ROBO2: variants seen among roughly 807,000 people sequenced by gnomAD.
The protein encoded by ROBO2 is roundabout guidance receptor 2, also known as roundabout homolog 2.
A neutral mutation model predicts 160.8 loss-of-function variants in ROBO2; 53 were observed. That is an observed-to-expected ratio of 0.33 (90% CI 0.26 to 0.41). ROBO2 has a LOEUF of 0.41. Ranked by LOEUF, ROBO2 falls within the 10% of genes least tolerant of loss-of-function variation. The pLI, the probability that ROBO2 is intolerant of heterozygous loss-of-function variation, is 1.00. For missense variants in ROBO2, 1,577 were observed against 1,722.4 expected, an observed-to-expected ratio of 0.92 and a Z score of 1.49; for synonymous variants, 664 against 611.7, an observed-to-expected ratio of 1.09 and a Z score of -1.26.
chr3:77,120,763 A>G (rs1164489457), intron 2 of ROBO2, among the ~76,000 whole-genome samples: 1 of 152,176 alleles, frequency 6.6e-6, no homozygotes, highest in Non-Finnish European at 1.5e-5. Context: ...AAAGATAAGA[A>G]AAAGCAACTG....
At chr3:76,188,204 T>G (rs1165728213) in intron 2 of ROBO2, among the ~76,000 whole-genome samples, 1 of 152,028 alleles carries the variant, frequency 6.6e-6, no homozygotes, top group Admixed American at 6.6e-5. Flanking sequence ...CTACAGTACC[T>G]TTGAATGTGA....
chr3:76,602,529 G>A (rs1166279797), intron 2 of ROBO2, among the ~76,000 whole-genome samples: 1 of 152,234 alleles, frequency 6.6e-6, no homozygotes, highest in Non-Finnish European at 1.5e-5. Context: ...ATCTTACATG[G>A]CAGCAGACGA....
chr3:76,755,553 G>T (rs937691681), intron 2 of ROBO2, among the ~76,000 whole-genome samples: 1 of 151,850 alleles, frequency 6.6e-6, no homozygotes, highest in East Asian at 1.9e-4. Flanking sequence ...CAATCCACCT[G>T]TTCCTGTCTT....
intron 2 of ROBO2, among the ~76,000 whole-genome samples, chr3:77,114,142 C>T (rs1472564109): frequency 1.3e-5 from 2 of 152,152 alleles, no homozygotes; most frequent in Non-Finnish European, 2.9e-5. Context: ...TGGGGCAAAC[C>T]TTTTACCTTC....
intron 2 of ROBO2, among the ~76,000 whole-genome samples, chr3:76,534,178 G>A (rs1231405388): frequency 1.3e-5 from 2 of 151,992 alleles, no homozygotes; most frequent in Non-Finnish European, 2.9e-5. Flanking sequence ...GGGACTGTGT[G>A]GACACCTTAA....
intron 2 of ROBO2, among the ~76,000 whole-genome samples, chr3:76,620,417 G>T (rs1345560162): frequency 6.6e-6 from 1 of 151,846 alleles, no homozygotes; most frequent in South Asian, 2.1e-4. Context: ...GTTTATCGTG[G>T]AGCAAAAAAA....
chr3:76,425,500 GT>G (rs2076179636), intron 2 of ROBO2, among the ~76,000 whole-genome samples: 1 of 103,908 alleles, frequency 9.6e-6, no homozygotes, highest in African/African-American at 9.9e-5. Flanking sequence ...GTGTGTGTGT[GT>G]GTGTGTGTGT....
intron 2 of ROBO2, among the ~76,000 whole-genome samples, chr3:76,090,907 T>A (rs1363069438): frequency 6.6e-6 from 1 of 152,152 alleles, no homozygotes; most frequent in Non-Finnish European, 1.5e-5. Context: ...GCGAACAAAC[T>A]AAGTTAATTT....
chr3:76,351,898 C>T (rs2074899922), intron 2 of ROBO2, among the ~76,000 whole-genome samples: 1 of 151,854 alleles, frequency 6.6e-6, no homozygotes, highest in Non-Finnish European at 1.5e-5. Flanking sequence ...AAGGTAAAAT[C>T]AGAAAATGTA....
intron 2 of ROBO2, among the ~76,000 whole-genome samples, chr3:76,220,209 G>T (rs1181259067): frequency 6.6e-6 from 1 of 150,886 alleles, no homozygotes; most frequent in Admixed American, 6.6e-5. Context: ...GATAGCATTA[G>T]GAGATATACC....
chr3:76,956,268 C>A (rs191214814), intron 2 of ROBO2, among the ~76,000 whole-genome samples: 2 of 152,030 alleles, frequency 1.3e-5, no homozygotes, highest in East Asian at 1.9e-4. Flanking sequence ...TGTTAGTAAG[C>A]TAATCTGGGC....
chr3:76,925,114 A>G (rs865806817), intron 2 of ROBO2, among the ~76,000 whole-genome samples: 2 of 150,006 alleles, frequency 1.3e-5, no homozygotes, highest in Non-Finnish European at 3.0e-5. Flanking sequence ...AGGCTGAGGC[A>G]GGAGGAGAAT....
At chr3:76,096,282 A>ATGAGCATC (rs2069450061) in intron 2 of ROBO2, among the ~76,000 whole-genome samples, 2 of 152,204 alleles carry the variant, frequency 1.3e-5, no homozygotes, top group African/African-American at 4.8e-5. Flanking sequence ...ACTTTGAGAT[A>ATGAGCATC]ATAAACTAGC....
intron 2 of ROBO2, among the ~76,000 whole-genome samples, chr3:76,253,337 AC>A (rs1706156080): frequency 6.6e-6 from 1 of 151,962 alleles, no homozygotes; most frequent in African/African-American, 2.4e-5. Context: ...CAGTGACATG[AC>A]CACAGCTCAC....
rs546392234 is a variant in ROBO2, at chr3:76,031,357, T to C, written c.109+93755T>C. Among the ~76,000 whole-genome samples, 78 of 152,246 alleles carry C rather than the reference T, an allele frequency of 5.1e-4. No individual in the cohort carries two copies. In the South Asian group the frequency reaches 0.016, roughly 31 times the overall value. The stretch of plus-strand genomic sequence containing the variant: ...TTCCTAATTGAATACCCTTTATTTC[T>C]TTCTCTTGCCTGATTGCCCTGGCCA... On this transcript the variant is annotated intron_variant, in intron 2 of 26. Transcript: ENST00000487694.
intron 2 of ROBO2, among the ~76,000 whole-genome samples, chr3:76,529,065 T>C (rs2082094191): frequency 6.6e-6 from 1 of 152,014 alleles, no homozygotes; most frequent in Non-Finnish European, 1.5e-5. Flanking sequence ...CTGAAATGGG[T>C]TCAAGAGAGA....
chr3:77,481,998 T>C (rs1315135215), intron 4 of ROBO2, among the ~76,000 whole-genome samples: 1 of 152,100 alleles, frequency 6.6e-6, no homozygotes, highest in Non-Finnish European at 1.5e-5. Context: ...TACTCAAAAA[T>C]GAAACACTCT....
chr3:77,003,275 A>G (rs1231943893), intron 2 of ROBO2, among the ~76,000 whole-genome samples: 1 of 152,190 alleles, frequency 6.6e-6, no homozygotes, highest in East Asian at 1.9e-4. Flanking sequence ...TATGGGAGCA[A>G]GACACCTCCA....
At chr3:76,208,540 C>T (rs1318485135) in intron 2 of ROBO2, among the ~76,000 whole-genome samples, 1 of 152,116 alleles carries the variant, frequency 6.6e-6, no homozygotes, top group Non-Finnish European at 1.5e-5. Flanking sequence ...CGTGATTTCC[C>T]AGCTTTTGTA....
Sources: allele counts gnomAD v4.1 joint callset (sites outside exome capture counted in the v4.1 genomes callset), GRCh38; gene constraint gnomAD v4.1.1; transcripts MANE v1.5; gene names NCBI Gene and HGNC (gene_info 2026-07-23, HGNC 2026-07-21).